USP37: variants seen among roughly 807,000 people sequenced by gnomAD.
The protein encoded by USP37 is ubiquitin specific peptidase 37, also known as ubiquitin carboxyl-terminal hydrolase 37.
USP37 carries 27 observed loss-of-function variants against 124.0 expected under a neutral mutation model. The ratio of observed to expected loss-of-function variants is 0.22; its 90% CI spans 0.16 to 0.30. USP37 has a LOEUF of 0.30. USP37 is among the 10% of genes least tolerant of loss of function. The pLI, the probability that USP37 is intolerant of heterozygous loss-of-function variation, is 1.00. For synonymous variants in USP37, 365 were observed against 388.0 expected (o/e 0.94, Z 0.70); for missense variants, 889 against 1,140.4 (o/e 0.78, Z 3.17).
At chr2:218,517,735 T>C (rs978175096) in intron 10 of USP37, among the ~76,000 whole-genome samples, 1 of 152,218 alleles carries the variant, frequency 6.6e-6, no homozygotes, top group Non-Finnish European at 1.5e-5. Context: ...GGCTTCTTAA[T>C]TCTAAAGTCT....
chr2:218,499,050 G>A (rs1227177552), intron 11 of USP37, among the ~76,000 whole-genome samples: 3 of 152,124 alleles, frequency 2.0e-5, no homozygotes, highest in African/African-American at 7.2e-5. Context: ...CAAGGCGGGT[G>A]GATCACAAGG....
At chr2:218,480,279 A>G (rs1201365312) in intron 17 of USP37, among the ~76,000 whole-genome samples, 1 of 152,018 alleles carries the variant, frequency 6.6e-6, no homozygotes, top group Non-Finnish European at 1.5e-5. Flanking sequence ...AGGCGCCTGT[A>G]GTCCCAGCTA....
rs1429302580 is a variant in USP37, at chr2:218,457,932, C to T, written c.2644-771G>A. On this transcript the variant is annotated intron_variant, in intron 23 of 25. Coordinates refer to ENST00000258399, the MANE Select transcript of USP37 (RefSeq NM_020935.3). ...GCGGGCGCCTGTAGTCCCAGCTGCT[C>T]GGGAGGCTGAGGCAGGAGAATGGCA... is the stretch of plus-strand genomic sequence containing the variant. 3.3e-5 allele frequency among the ~76,000 whole-genome samples: 5 copies of T among 150,764 alleles called. No individual in the cohort carries two copies. In the East Asian group the frequency reaches 9.8e-4, roughly 29 times the overall value.
At chr2:218,506,893 T>C (rs1689711793) in intron 11 of USP37, among the ~76,000 whole-genome samples, 1 of 151,664 alleles carries the variant, frequency 6.6e-6, no homozygotes, top group Non-Finnish European at 1.5e-5. Flanking sequence ...GCCTCTTGGG[T>C]TCAAGCAATT....
chr2:218,523,621 T>C (rs1443084369), intron 10 of USP37, among the ~76,000 whole-genome samples: 2 of 152,204 alleles, frequency 1.3e-5, no homozygotes, highest in African/African-American at 2.4e-5. Flanking sequence ...TGTTACTATG[T>C]TGCCCAGGCA....
chr2:218,491,812 TCAGAG>T (rs1349557423), intron 14 of USP37, among the ~76,000 whole-genome samples: 25 of 152,114 alleles, frequency 1.6e-4, no homozygotes, highest in Admixed American at 1.6e-3. Flanking sequence ...AAATGAAAGA[TCAGAG>T]CAGAGTATCT....
chr2:218,502,895 T>G (rs981895654), intron 11 of USP37, among the ~76,000 whole-genome samples: 15 of 152,050 alleles, frequency 9.9e-5, no homozygotes, highest in African/African-American at 2.7e-4. Context: ...ATGCAAGAAC[T>G]AGGGAAACAA....
chr2:218,480,433 A>G (rs1031485844), intron 17 of USP37, among the ~76,000 whole-genome samples: 3 of 150,644 alleles, frequency 2.0e-5, no homozygotes, highest in African/African-American at 7.3e-5. Flanking sequence ...AATACTAGCA[A>G]TAGAGGCCAA....
chr2:218,476,696 C>T lies in USP37; in HGVS notation c.2043+144G>A, dbSNP rs1210036620. 6.8e-6 allele frequency: 6 copies of T among 884,010 alleles called. No individual in the cohort carries two copies. The South Asian group carries it at 2.5e-4, about 36-fold the overall frequency. The allele number at this position is 884,010 out of a possible 1,614,324, so 54.8% of individuals were successfully genotyped here. A position where few individuals can be genotyped will look rare whatever the true frequency, so the allele number is the denominator to read the frequency against. On this transcript the variant is annotated intron_variant, in intron 19 of 25. Coordinates refer to ENST00000258399, the MANE Select transcript of USP37 (RefSeq NM_020935.3). Reference sequence around the variant, plus strand: ...AACGAATTTCTCGTAAGTCTTGATCCATCTGTAAACAGACTGATTTCTGTA... The same window carrying T: ...AACGAATTTCTCGTAAGTCTTGATCTATCTGTAAACAGACTGATTTCTGTA...
At chr2:218,530,209 A>G (rs1691242742) in intron 9 of USP37, among the ~76,000 whole-genome samples, 169 bp from the exon 10 acceptor site, 1 of 152,206 alleles carries the variant, frequency 6.6e-6, no homozygotes, top group Non-Finnish European at 1.5e-5. Context: ...CCTCACAGAT[A>G]TTGCAGGTTT....
chr2:218,488,184 A>G (rs1297563338), intron 15 of USP37, 120 bp downstream of exon 15: 1 of 611,626 alleles, frequency 1.6e-6, no homozygotes, highest in Non-Finnish European at 2.6e-6. Flanking sequence ...TCAAAAAAAA[A>G]AAAAAAAAAA....
intron 10 of USP37, among the ~76,000 whole-genome samples, chr2:218,525,429 A>T (rs577666886): frequency 6.6e-6 from 1 of 152,346 alleles, no homozygotes; most frequent in African/African-American, 2.4e-5. Context: ...GGCTGCAGTG[A>T]GCCATGATTA....
chr2:218,560,844 G>A lies in USP37; in HGVS notation c.-49C>T, dbSNP rs1693268205. The A allele has an allele frequency of 6.6e-6, 1 of 152,090 alleles. No homozygotes were observed. Among genetic ancestry groups the A allele is most frequent in the African/African-American group, 2.4e-5 (1 of 41,400 alleles). 9.4% of individuals were successfully genotyped at this position (152,090 alleles called of 1,614,324 possible). A position where few individuals can be genotyped will look rare whatever the true frequency, so the allele number is the denominator to read the frequency against. On this transcript the variant is annotated 5_prime_UTR_variant, in exon 3 of 26. Transcript: ENST00000258399. ...CCTACAGGCAGGATACAGTTTGGGG[G>A]CCCCTAGTTGGAGGTCTCTGGTTAC...
At chr2:218,552,553 C>T (rs1692724069) in intron 5 of USP37, among the ~76,000 whole-genome samples, 2 of 151,282 alleles carry the variant, frequency 1.3e-5, no homozygotes, top group South Asian at 4.2e-4. Flanking sequence ...TGCCACTGTA[C>T]TTCAACCTGG....
chr2:218,567,003 T>C (rs1693640634), intron 1 of USP37, among the ~76,000 whole-genome samples: 2 of 152,128 alleles, frequency 1.3e-5, no homozygotes, highest in African/African-American at 2.4e-5. Context: ...CAAGTTGAGA[T>C]GTCAAGCAGA....
At chr2:218,475,425 C>A (rs1690915610) in intron 19 of USP37, among the ~76,000 whole-genome samples, 1 of 151,886 alleles carries the variant, frequency 6.6e-6, no homozygotes, top group African/African-American at 2.4e-5. Flanking sequence ...ATGGCGAAAA[C>A]CCGTCTTTAC....
At chr2:218,556,168 T>C (rs1692960348) in intron 4 of USP37, among the ~76,000 whole-genome samples, 1 of 152,218 alleles carries the variant, frequency 6.6e-6, no homozygotes, top group Admixed American at 6.5e-5. Flanking sequence ...ACCTAGCTCT[T>C]CAGCCTTATT....
chr2:218,512,517 A>T (rs1251275516), intron 10 of USP37, among the ~76,000 whole-genome samples: 1 of 152,166 alleles, frequency 6.6e-6, no homozygotes, highest in African/African-American at 2.4e-5. Flanking sequence ...CAAAAAAAAT[A>T]AAAAAAGTTA....
chr2:218,552,019 C>T (rs1043719444), intron 5 of USP37, among the ~76,000 whole-genome samples: 2 of 152,254 alleles, frequency 1.3e-5, no homozygotes, highest in South Asian at 2.1e-4. Context: ...GTCTCGATCT[C>T]TTGACCTCGT....
Sources: gnomAD v4.1 joint callset for allele counts (sites outside exome capture counted in the v4.1 genomes callset) on GRCh38, gnomAD v4.1.1 for gene constraint, MANE v1.5 for transcripts, NCBI Gene and HGNC (gene_info 2026-07-23, HGNC 2026-07-21) for gene names.